The following SCAND3 variants were observed in gnomAD, a reference collection of about 807,000 sequenced individuals.
The protein encoded by SCAND3 is SCAN domain containing 3.
chr6:28,575,865 A>G, the SCAND3 span: 1 of 1,614,078 alleles, frequency 6.2e-7, no homozygotes. This position sits in a 1 kb window ranked among gnomAD's most constrained non-coding sequence, Gnocchi z 4.2. Flanking sequence ...TTCCTTGTAC[A>G]AGGATAACAT....
At chr6:28,611,869 A>G in the SCAND3 span, among the ~76,000 whole-genome samples, 1 of 152,204 alleles carries the variant, frequency 6.6e-6, no homozygotes, top group African/African-American at 2.4e-5. Flanking sequence ...TATACATAAC[A>G]CAGGCTATAA....
the SCAND3 span, among the ~76,000 whole-genome samples, chr6:28,598,604 C>T: frequency 6.6e-6 from 1 of 151,694 alleles, no homozygotes; most frequent in East Asian, 1.9e-4. Context: ...TTATGATTTT[C>T]CGGTCCGAGG....
chr6:28,570,703 A>G, the SCAND3 span: 2 of 152,210 alleles, frequency 1.3e-5, no homozygotes, highest in African/African-American at 4.8e-5. Context: ...GAAACGAAGC[A>G]CTTACTGTAA....
the SCAND3 span, among the ~76,000 whole-genome samples, chr6:28,600,342 A>C: frequency 6.6e-6 from 1 of 152,184 alleles, no homozygotes; most frequent in African/African-American, 2.4e-5. Flanking sequence ...ATTAAAAGTC[A>C]AAACAGCAGG....
the SCAND3 span, chr6:28,579,507 G>T: frequency 5.8e-6 from 7 of 1,214,612 alleles, no homozygotes; most frequent in Admixed American, 1.3e-4. The surrounding 1 kb of genome is among the most constrained non-coding windows in gnomAD (Gnocchi z 4.5). Context: ...AAAATAGAAT[G>T]TAAGAAGAAA....
the SCAND3 span, among the ~76,000 whole-genome samples, chr6:28,583,020 C>T: frequency 6.6e-6 from 1 of 152,026 alleles, no homozygotes; most frequent in Non-Finnish European, 1.5e-5. Flanking sequence ...TAGGATTTTA[C>T]CTTAGAAAGG....
At chr6:28,609,976 A>C in the SCAND3 span, among the ~76,000 whole-genome samples, 2 of 152,150 alleles carry the variant, frequency 1.3e-5, no homozygotes, top group Non-Finnish European at 2.9e-5. Context: ...CTGGAATCCC[A>C]GTGCTTTGGG....
At chr6:28,585,600 T>C in the SCAND3 span, among the ~76,000 whole-genome samples, 1 of 152,222 alleles carries the variant, frequency 6.6e-6, no homozygotes, top group Non-Finnish European at 1.5e-5. Context: ...AGATTTTGCA[T>C]TCCAGAAACA....
chr6:28,597,711 C>T, the SCAND3 span: 1 of 152,186 alleles, frequency 6.6e-6, no homozygotes, highest in Non-Finnish European at 1.5e-5. Context: ...GATTTGAACC[C>T]TGGTTTGCTG....
chr6:28,608,064 C>G, the SCAND3 span, among the ~76,000 whole-genome samples: 1 of 152,142 alleles, frequency 6.6e-6, no homozygotes, highest in Admixed American at 6.6e-5. Context: ...TATCTGTAAA[C>G]ACTGCGTTCA....
chr6:28,583,634 A>G, the SCAND3 span, among the ~76,000 whole-genome samples: 1 of 152,204 alleles, frequency 6.6e-6, no homozygotes, highest in Non-Finnish European at 1.5e-5. Context: ...AGCTGTTTAT[A>G]TGGGTCCAAT....
the SCAND3 span, chr6:28,579,216 T>C: frequency 1.4e-5 from 21 of 1,511,898 alleles, no homozygotes; most frequent in Middle Eastern, 2.3e-4. This position sits in a 1 kb window ranked among gnomAD's most constrained non-coding sequence, Gnocchi z 4.5. Context: ...CTTTCAATAC[T>C]AGACCCTTCA....
the SCAND3 span, chr6:28,591,709 T>A: frequency 6.6e-6 from 1 of 152,210 alleles, no homozygotes; most frequent in South Asian, 2.1e-4. Flanking sequence ...TTCTCTCCCC[T>A]ATTGCAATTG....
chr6:28,591,245 A>C, the SCAND3 span: 1 of 152,424 alleles, frequency 6.6e-6, no homozygotes. Flanking sequence ...CAGAAGGCCA[A>C]GGAGCAGCTG....
the SCAND3 span, chr6:28,594,083 G>C: frequency 6.6e-6 from 1 of 152,182 alleles, no homozygotes; most frequent in Admixed American, 6.5e-5. Context: ...AAAGATGAAA[G>C]ATGGTAACAA....
the SCAND3 span, among the ~76,000 whole-genome samples, chr6:28,580,775 T>A: frequency 6.6e-6 from 1 of 151,868 alleles, no homozygotes; most frequent in African/African-American, 2.4e-5. Context: ...TGTGCTGAAT[T>A]ATTCACTGAC....
chr6:28,610,908 A>T, the SCAND3 span, among the ~76,000 whole-genome samples: 1 of 152,230 alleles, frequency 6.6e-6, no homozygotes, highest in Non-Finnish European at 1.5e-5. Context: ...CAGAGTTCTG[A>T]TTAAAATACT....
chr6:28,611,319 A>T, the SCAND3 span, among the ~76,000 whole-genome samples: 1 of 152,234 alleles, frequency 6.6e-6, no homozygotes, highest in Admixed American at 6.5e-5. Context: ...CATGTTCTAG[A>T]TAATGGAGAT....
At chr6:28,609,008 G>A in the SCAND3 span, among the ~76,000 whole-genome samples, 1 of 151,850 alleles carries the variant, frequency 6.6e-6, no homozygotes, top group African/African-American at 2.4e-5. Flanking sequence ...AAAAGCGGGG[G>A]TTGGGGGGAG....
Sources: allele counts gnomAD v4.1 joint callset (sites outside exome capture counted in the v4.1 genomes callset), GRCh38; gene constraint gnomAD v4.1.1; non-coding constraint Gnocchi (gnomAD v3.1); transcripts MANE v1.5; gene names NCBI Gene and HGNC (gene_info 2026-07-23, HGNC 2026-07-21).